SAMMSON: variants seen among roughly 807,000 people sequenced by gnomAD.
SAMMSON encodes survival associated mitochondrial melanoma specific oncogenic non-coding RNA, also known as long intergenic non-protein coding RNA 1212.
At position 70,377,061 on chromosome 3, in the gene SAMMSON, A is replaced by G. The variant is rs1439332264; in HGVS notation, n.914-12513A>G. On this transcript the variant is annotated intron_variant and non_coding_transcript_variant, in intron 9 of 9. Transcript: ENST00000642114. ...TTTAAGATATCTTATAAAAATGCCCATCACTCAAAACAATAGAAATAAACT... is the reference window on the plus strand; with the variant it reads ...TTTAAGATATCTTATAAAAATGCCCGTCACTCAAAACAATAGAAATAAACT... 7.2e-5 allele frequency among the ~76,000 whole-genome samples: 11 copies of G among 152,166 alleles called. 1 individual carries two copies.
chr3:70,077,303 A>G (rs2067251284), intron 4 of SAMMSON, among the ~76,000 whole-genome samples: 1 of 152,176 alleles, frequency 6.6e-6, no homozygotes, highest in Non-Finnish European at 1.5e-5. Context: ...ATAGGTTTGA[A>G]AGATATTTGT....
intron 4 of SAMMSON, among the ~76,000 whole-genome samples, chr3:70,085,158 A>G (rs2067280903): frequency 6.6e-6 from 1 of 152,174 alleles, no homozygotes; most frequent in Admixed American, 6.5e-5. Context: ...CCAACTGTAT[A>G]CTGGTTTGAC....
At chr3:70,015,246 A>C (rs1218506106) in intron 3 of SAMMSON, 1 of 152,178 alleles carries the variant, frequency 6.6e-6, no homozygotes, top group South Asian at 2.1e-4. Flanking sequence ...ATGCCACTGC[A>C]CTGCAGCTTG....
At chr3:70,032,202 T>A (rs1355215317) in intron 3 of SAMMSON, among the ~76,000 whole-genome samples, 1 of 152,156 alleles carries the variant, frequency 6.6e-6, no homozygotes, top group Non-Finnish European at 1.5e-5. Context: ...GGCTGCCCTC[T>A]GAACAGCCAC....
chr3:70,160,017 G>C (rs967864559), intron 4 of SAMMSON, among the ~76,000 whole-genome samples: 3 of 152,082 alleles, frequency 2.0e-5, no homozygotes, highest in Non-Finnish European at 4.4e-5. Flanking sequence ...TGAGGTGTAA[G>C]ATTTCTTTGT....
chr3:70,268,572 C>T (rs892476509), intron 6 of SAMMSON, among the ~76,000 whole-genome samples: 1 of 151,646 alleles, frequency 6.6e-6, no homozygotes, highest in South Asian at 2.1e-4. Context: ...CCATAGTTCA[C>T]ATTCGGGTTC....
intron 9 of SAMMSON, among the ~76,000 whole-genome samples, chr3:70,373,906 A>G (rs907346092): frequency 6.6e-6 from 1 of 151,312 alleles, no homozygotes; most frequent in African/African-American, 2.4e-5. Context: ...TTTTATGTTG[A>G]TGGCTTTATT....
intron 3 of SAMMSON, chr3:70,014,924 G>T (rs1266558828): frequency 6.6e-6 from 1 of 152,068 alleles, no homozygotes; most frequent in African/African-American, 2.4e-5. Context: ...CCCTTAGATA[G>T]ATCTTACGAA....
In SAMMSON at chr3:70,343,773, A is replaced by G. The variant is rs556716953; in HGVS notation, n.740-10402A>G. On this transcript the variant is annotated intron_variant and non_coding_transcript_variant, in intron 7 of 9. Coordinates refer to ENST00000642114, the Ensembl canonical transcript of SAMMSON. ...TTGTGCTCTACCTCCTTGAAGGTAG[A>G]TTATCTAAATAAATTACTTGGAATT... 2.0e-5 allele frequency among the ~76,000 whole-genome samples: 3 copies of G among 152,056 alleles called. No homozygotes were observed. The East Asian group carries it at 5.8e-4, about 29-fold the overall frequency.
rs2066915915 is a variant in SAMMSON, at chr3:70,003,937, TGC to T, written n.22+4071_22+4072del. Among the ~76,000 whole-genome samples the T allele has an allele frequency of 5.3e-5, 8 of 152,208 alleles. No individual in the cohort carries two copies. In the East Asian group the frequency reaches 1.5e-3, roughly 29 times the overall value. On this transcript the variant is annotated intron_variant and non_coding_transcript_variant, in intron 1 of 9. Coordinates refer to ENST00000642114, the Ensembl canonical transcript of SAMMSON. ...ATAATGGTATTATACTGCTTTAATTTGCATATATTTTATATATTTACTATCTT... is the reference window on the plus strand; with the variant it reads ...ATAATGGTATTATACTGCTTTAATTTATATATTTTATATATTTACTATCTT...
intron 2 of SAMMSON, among the ~76,000 whole-genome samples, chr3:70,407,808 TGCCCCAGCAGGGGGCAGA>T (rs1056952613): frequency 6.6e-6 from 1 of 152,232 alleles, no homozygotes; most frequent in African/African-American, 2.4e-5. Flanking sequence ...CACTAGGTGG[TGCCCCAGCAGGGGGCAGA>T]GCCCCAGTGG....
intron 7 of SAMMSON, chr3:70,291,758 C>T (rs1348821412): frequency 6.6e-6 from 1 of 152,314 alleles, no homozygotes; most frequent in Non-Finnish European, 1.5e-5. Flanking sequence ...GATGATATGT[C>T]TTTTCCCCTC....
intron 4 of SAMMSON, among the ~76,000 whole-genome samples, chr3:70,155,056 G>A (rs7429829): frequency 0.99 from 150,052 of 151,934 alleles, 74,123 homozygotes; most frequent in East Asian, 1. Flanking sequence ...TTAGTGGTCA[G>A]ATAGTTCTGG....
At chr3:70,286,947 G>T (rs1224633315) in intron 6 of SAMMSON, among the ~76,000 whole-genome samples, 1 of 151,270 alleles carries the variant, frequency 6.6e-6, no homozygotes, top group African/African-American at 2.4e-5. Context: ...TCAGCTTAAG[G>T]AGATTTTGGG....
At chr3:70,122,230 T>C (rs1261646135) in intron 4 of SAMMSON, among the ~76,000 whole-genome samples, 1 of 152,214 alleles carries the variant, frequency 6.6e-6, no homozygotes, top group Admixed American at 6.5e-5. Flanking sequence ...TTTCTCTCTG[T>C]CACCCAGGCC....
intron 7 of SAMMSON, among the ~76,000 whole-genome samples, chr3:70,319,613 T>A (rs1702521823): frequency 6.6e-6 from 1 of 152,108 alleles, no homozygotes; most frequent in Non-Finnish European, 1.5e-5. Context: ...CACTTTATTT[T>A]AAGTTTTAGA....
intron 4 of SAMMSON, chr3:70,204,771 C>A (rs1701274854): frequency 6.6e-6 from 1 of 151,964 alleles, no homozygotes; most frequent in Non-Finnish European, 1.5e-5. Flanking sequence ...TGGCTTGGCC[C>A]CTCTTATTCC....
intron 9 of SAMMSON, among the ~76,000 whole-genome samples, chr3:70,361,141 C>G (rs952284996): frequency 6.6e-6 from 1 of 151,996 alleles, no homozygotes; most frequent in African/African-American, 2.4e-5. Context: ...AGGGCAAAAC[C>G]CTTAAAGACG....
intron 6 of SAMMSON, among the ~76,000 whole-genome samples, chr3:70,288,996 G>T (rs983303847): frequency 6.6e-6 from 1 of 152,106 alleles, no homozygotes; most frequent in Admixed American, 6.5e-5. Flanking sequence ...ACACTGATGG[G>T]TCTTAAATCT....
Sources: gnomAD v4.1 joint callset for allele counts (sites outside exome capture counted in the v4.1 genomes callset) on GRCh38, gnomAD v4.1.1 for gene constraint, MANE v1.5 for transcripts, NCBI Gene and HGNC (gene_info 2026-07-23, HGNC 2026-07-21) for gene names.